Variants in FGF13 observed in about 807,000 individuals in gnomAD.
The protein encoded by FGF13 is fibroblast growth factor homologous factor 2.
Under a neutral mutation model 19.5 loss-of-function variants are expected in FGF13, and 2 were observed. The ratio of observed to expected loss-of-function variants is 0.10; its 90% confidence interval spans 0.04 to 0.32. FGF13 has a LOEUF of 0.32. Ranked by LOEUF, FGF13 falls within the 10% of genes least tolerant of loss-of-function variation. The probability of loss-of-function intolerance (pLI) is 1.00; values close to 1 mark genes in which losing one functional copy is unlikely to be tolerated. For missense variants in FGF13, 113 were observed against 192.7 expected, an observed-to-expected ratio of 0.59 and a Z score of 2.45; for synonymous variants, 72 against 76.9, an observed-to-expected ratio of 0.94 and a Z score of 0.33.
At chrX:139,125,145 T>C (rs1459737174) in intron 1 of FGF13, among the ~76,000 whole-genome samples, 2 of 111,971 alleles carry the variant, frequency 1.8e-5, no homozygotes, top group Non-Finnish European at 3.8e-5. Context: ...AAATCAATTA[T>C]GGAAGTTAAG....
intron 1 of FGF13, among the ~76,000 whole-genome samples, chrX:139,155,873 C>T (rs1463321907): frequency 8.9e-6 from 1 of 112,085 alleles, no homozygotes; most frequent in African/African-American, 3.3e-5. Flanking sequence ...TTGTCCTCCC[C>T]ACTCTTCAGA....
intron 3 of FGF13, among the ~76,000 whole-genome samples, chrX:138,678,225 G>A: frequency 9.1e-6 from 1 of 110,405 alleles, no homozygotes; most frequent in Admixed American, 9.6e-5. Context: ...TGTGGGGTGG[G>A]GAGAGTGGGG....
intron 3 of FGF13, chrX:138,667,567 A>G (rs1320990148): frequency 3.2e-6 from 1 of 313,488 alleles, no homozygotes; most frequent in Non-Finnish European, 6.2e-6. Flanking sequence ...AATAACTACT[A>G]AAGAGACTTA....
At chrX:139,094,804 GA>G (rs1294780776) in intron 1 of FGF13, among the ~76,000 whole-genome samples, 1 of 111,992 alleles carries the variant, frequency 8.9e-6, no homozygotes, top group Non-Finnish European at 1.9e-5. Flanking sequence ...TCTGCTATGT[GA>G]CTCTGGATGA....
chrX:139,035,697 A>G lies in FGF13; in HGVS notation c.-113+167719T>C, dbSNP rs767106560. 3.6e-3 allele frequency among the ~76,000 whole-genome samples: 396 copies of G among 111,535 alleles called. 2 individuals are homozygous for G. The highest frequency in any genetic ancestry group is 0.012 in the African/African-American group (379 of 30,741). ...ATGAAGAATTTTTGGAGTGTTCTCT[A>G]TTGGAGGTCCAGCACCTAATACTGA... On this transcript the variant is annotated intron_variant, in intron 1 of 2. Transcript: ENST00000421460.
chrX:138,865,892 TCTA>T (rs1316668956), intron 1 of FGF13, among the ~76,000 whole-genome samples: 1 of 111,723 alleles, frequency 9.0e-6, no homozygotes, highest in African/African-American at 3.3e-5. Flanking sequence ...GTTGTATCTT[TCTA>T]CTCTCATCCC....
intron 1 of FGF13, among the ~76,000 whole-genome samples, chrX:139,177,238 C>CTTTTTTTTTTTTTTTTT (rs35867493): frequency 4.0e-5 from 2 of 49,943 alleles, no homozygotes; most frequent in African/African-American, 2.2e-4. Context: ...GCAACCCCTG[C>CTTTTTTTTTTTTTTTTT]TTTTTTTTTT....
At chrX:138,928,152 G>T (rs1479038025) in intron 1 of FGF13, among the ~76,000 whole-genome samples, 2 of 110,634 alleles carry the variant, frequency 1.8e-5, no homozygotes, top group East Asian at 2.8e-4. Flanking sequence ...CATTGAAAAA[G>T]AATACAATAA....
intron 1 of FGF13, among the ~76,000 whole-genome samples, chrX:138,973,496 T>A (rs1272764277): frequency 1.8e-5 from 2 of 112,345 alleles, no homozygotes; most frequent in Non-Finnish European, 3.8e-5. Flanking sequence ...GTTCTGTAAA[T>A]GTCTGTTAGG....
intron 1 of FGF13, among the ~76,000 whole-genome samples, chrX:139,111,236 C>T (rs1266067740): frequency 9.0e-6 from 1 of 111,415 alleles, no homozygotes; most frequent in Non-Finnish European, 1.9e-5. Context: ...CGGCCTCTGG[C>T]CAATCACAGC....
chrX:139,068,798 G>A (rs2092366119), intron 1 of FGF13, among the ~76,000 whole-genome samples: 1 of 111,081 alleles, frequency 9.0e-6, no homozygotes, highest in East Asian at 2.8e-4. Context: ...GTCTGTTGTT[G>A]GTGTATAAGA....
intron 1 of FGF13, among the ~76,000 whole-genome samples, chrX:138,993,556 C>A (rs1000012469): frequency 3.6e-5 from 4 of 111,478 alleles, no homozygotes; most frequent in African/African-American, 1.3e-4. Flanking sequence ...GTACTCAAAC[C>A]TAAACTCTAG....
At chrX:139,130,997 T>C (rs1403412965) in intron 1 of FGF13, among the ~76,000 whole-genome samples, 2 of 111,976 alleles carry the variant, frequency 1.8e-5, no homozygotes, top group Non-Finnish European at 3.8e-5. Flanking sequence ...GTGGAATGAT[T>C]TTTCTATTTA....
chrX:138,647,052 C>T (rs1251308672), intron 3 of FGF13, among the ~76,000 whole-genome samples: 1 of 110,708 alleles, frequency 9.0e-6, no homozygotes, highest in Non-Finnish European at 1.9e-5. Context: ...CATCTCTTTA[C>T]TGTCCAAACT....
At chrX:138,839,521 C>T (rs758140315) in intron 3 of FGF13, among the ~76,000 whole-genome samples, 2 of 111,231 alleles carry the variant, frequency 1.8e-5, no homozygotes, top group South Asian at 3.8e-4. Flanking sequence ...AGAGATGAGC[C>T]GTGCTGTTCA....
chrX:138,622,423 A>G lies in FGF13; in HGVS notation c.*10427T>C, dbSNP rs2089022858. ...CACCCTTTCATGATGAAAACATTCA[A>G]AACATTAGGTAGAGAAGGAATATCC... is the stretch of plus-strand genomic sequence containing the variant. On this transcript the variant is annotated 3_prime_UTR_variant, in exon 5 of 5. Transcript: ENST00000315930. The G allele has an allele frequency of 8.9e-6, 1 of 112,070 alleles. No individual in the cohort carries two copies. The allele number at this position is 112,070 out of a possible 1,213,427, so 9.2% of individuals were successfully genotyped here. A position where few individuals can be genotyped will look rare whatever the true frequency, so the allele number is the denominator to read the frequency against.
chrX:139,062,695 T>C (rs1464730109), intron 1 of FGF13, among the ~76,000 whole-genome samples: 3 of 112,016 alleles, frequency 2.7e-5, no homozygotes, highest in African/African-American at 3.2e-5. Flanking sequence ...TATCTTTCCA[T>C]TTATTTTTAC....
intron 1 of FGF13, among the ~76,000 whole-genome samples, chrX:139,126,955 C>T (rs184948531): frequency 1.4e-4 from 16 of 111,665 alleles, no homozygotes; most frequent in African/African-American, 4.6e-4. Flanking sequence ...ATCCCCAACT[C>T]GCGACACCAC....
At chrX:139,193,120 T>C (rs1446296581) in intron 1 of FGF13, among the ~76,000 whole-genome samples, 1 of 110,974 alleles carries the variant, frequency 9.0e-6, no homozygotes, top group African/African-American at 3.3e-5. Flanking sequence ...TGTGAATCTG[T>C]AGATTTATTT....
Sources: gnomAD v4.1 joint callset for allele counts (sites outside exome capture counted in the v4.1 genomes callset) on GRCh38, gnomAD v4.1.1 for gene constraint, MANE v1.5 for transcripts, NCBI Gene and HGNC (gene_info 2026-07-23, HGNC 2026-07-21) for gene names.